NCKAP1: variants seen among roughly 807,000 people sequenced by gnomAD.
The protein encoded by NCKAP1 is nck-associated protein 1.
In NCKAP1, 21 loss-of-function variants were observed where a neutral mutation model predicts 151.2. The observed-to-expected ratio is 0.14, with a 90% confidence interval of 0.10 to 0.20. The LOEUF is 0.20. Ranked by LOEUF, NCKAP1 falls within the 10% of genes least tolerant of loss-of-function variation. The pLI is 1.00. For missense variants in NCKAP1, 933 were observed against 1,352.1 expected (o/e 0.69, Z 4.86); for synonymous variants, 484 against 451.8 (o/e 1.07, Z -0.90).
At chr2:183,021,112 C>T (rs1210176429) in intron 2 of NCKAP1, among the ~76,000 whole-genome samples, 4 of 152,306 alleles carry the variant, frequency 2.6e-5, no homozygotes, top group East Asian at 1.9e-4. Context: ...AGAATTACCA[C>T]GCCACCCAGC....
chr2:182,991,008 G>A (rs1003986159), intron 8 of NCKAP1, among the ~76,000 whole-genome samples: 4 of 152,142 alleles, frequency 2.6e-5, no homozygotes, highest in Non-Finnish European at 4.4e-5. Flanking sequence ...GAGCCCTCAA[G>A]AGAAATTTTG....
intron 8 of NCKAP1, among the ~76,000 whole-genome samples, chr2:182,991,163 T>C (rs930225562): frequency 2.0e-5 from 3 of 152,254 alleles, no homozygotes; most frequent in African/African-American, 7.2e-5. Context: ...TGAAAATTTT[T>C]ATCACTTACA....
chr2:182,957,341 G>T, intron 19 of NCKAP1, 116 bp downstream of exon 19: 2 of 1,105,288 alleles, frequency 1.8e-6, no homozygotes, highest in Non-Finnish European at 1.2e-6. Flanking sequence ...TTTTAAAATG[G>T]CTGGAAAATG....
At chr2:182,998,298 C>G (rs1427228303) in intron 6 of NCKAP1, among the ~76,000 whole-genome samples, 1 of 152,044 alleles carries the variant, frequency 6.6e-6, no homozygotes, top group African/African-American at 2.4e-5. Context: ...CATGTCTGTA[C>G]TCCTACCACT....
chr2:182,931,835 CCAAAGAAGATAT>C (rs2105801206), intron 26 of NCKAP1, among the ~76,000 whole-genome samples: 1 of 152,146 alleles, frequency 6.6e-6, no homozygotes, highest in Non-Finnish European at 1.5e-5. Flanking sequence ...GGTTATTTCT[CCAAAGAAGATAT>C]AGAAATAACC....
intron 15 of NCKAP1, among the ~76,000 whole-genome samples, chr2:182,968,196 C>T (rs964929783): frequency 6.6e-5 from 10 of 152,006 alleles, no homozygotes; most frequent in African/African-American, 2.2e-4. Flanking sequence ...AGAAAGATTA[C>T]TCTGTATAGT....
chr2:183,037,650 T>C (rs771379664), intron 1 of NCKAP1, among the ~76,000 whole-genome samples: 2 of 152,090 alleles, frequency 1.3e-5, no homozygotes, highest in Non-Finnish European at 2.9e-5. Flanking sequence ...CCACCCTCCC[T>C]TTCCTATGGG....
chr2:182,987,533 A>G lies in NCKAP1; in HGVS notation c.948-1306T>C, dbSNP rs529789908. On this transcript the variant is annotated intron_variant, in intron 9 of 30. Coordinates refer to ENST00000361354, the MANE Select transcript of NCKAP1 (RefSeq NM_013436.5). ...ATTTATTATTAATAAAGCATAACAAAGACAACTGGTTTCACTATGCCATTA... is the reference window on the plus strand; with the variant it reads ...ATTTATTATTAATAAAGCATAACAAGGACAACTGGTTTCACTATGCCATTA... Among the ~76,000 whole-genome samples the G allele has an allele frequency of 2.0e-5, 3 of 152,348 alleles. No homozygotes were observed. In the Middle Eastern group the frequency reaches 0.01, roughly 518 times the overall value.
At chr2:182,940,369 C>T (rs889672013) in intron 24 of NCKAP1, among the ~76,000 whole-genome samples, 16 of 152,116 alleles carry the variant, frequency 1.1e-4, no homozygotes, top group Non-Finnish European at 4.4e-5. Flanking sequence ...AATGCTACCA[C>T]GTCTATTTTT....
At chr2:182,980,062 C>G (rs1251511909) in intron 13 of NCKAP1, among the ~76,000 whole-genome samples, 1 of 151,948 alleles carries the variant, frequency 6.6e-6, no homozygotes, top group East Asian at 1.9e-4. Flanking sequence ...TTCAGGAATT[C>G]TGGTTTACTT....
chr2:182,962,310 G>A, intron 17 of NCKAP1, 32 bp from the exon 18 acceptor site: 1 of 1,549,114 alleles, frequency 6.5e-7, no homozygotes, highest in Non-Finnish European at 8.8e-7. Context: ...AATAATACAA[G>A]TTATAAAGAA....
intron 24 of NCKAP1, among the ~76,000 whole-genome samples, chr2:182,939,386 G>C (rs375237836): frequency 6.6e-6 from 1 of 151,964 alleles, no homozygotes; most frequent in African/African-American, 2.4e-5. Flanking sequence ...AAAATTAGCC[G>C]AGTGTGGTAG....
rs200328412 is a variant in NCKAP1, at chr2:182,956,581, C to T, written c.2034G>A (p.Leu678=). 4 of 1,601,472 alleles carry T rather than the reference C, an allele frequency of 2.5e-6. No homozygotes were observed. The highest frequency in any genetic ancestry group is 2.3e-5 in the East Asian group (1 of 44,420). Residue 678 remains leucine, a synonymous_variant, in exon 20 of 31, where the codon TTG becomes TTA. Transcript: ENST00000361354. ...NRLVVTNLDK[L]HTALSELCFS... ...AGCATAACTCAGAAAGTGCAGTGTG[C>T]AATTTATCAAGGCTGAAAAAAATTA...
At chr2:182,951,026 T>G in intron 23 of NCKAP1, among the ~76,000 whole-genome samples, 1 of 151,888 alleles carries the variant, frequency 6.6e-6, no homozygotes, top group East Asian at 2.0e-4. Context: ...AGAGGGGGGA[T>G]TTCACCATGT....
chr2:182,926,372 G>A (rs1696648148), intron 30 of NCKAP1, among the ~76,000 whole-genome samples: 1 of 152,004 alleles, frequency 6.6e-6, no homozygotes, highest in Non-Finnish European at 1.5e-5. Context: ...AACTCTAAGT[G>A]GGGAAAGAGC....
At chr2:182,927,092 C>T in intron 29 of NCKAP1, 187 bp from the exon 30 acceptor site, 2 of 475,748 alleles carry the variant, frequency 4.2e-6, no homozygotes, top group Non-Finnish European at 7.3e-6. Flanking sequence ...AATTAAGGCA[C>T]AAAGAGACAC....
intron 16 of NCKAP1, among the ~76,000 whole-genome samples, chr2:182,965,576 G>A (rs992097095): frequency 3.9e-5 from 6 of 152,058 alleles, no homozygotes; most frequent in Non-Finnish European, 4.4e-5. Flanking sequence ...ACATATCTTA[G>A]AGTAATAAGA....
At chr2:183,034,373 G>A (rs906089182) in intron 1 of NCKAP1, among the ~76,000 whole-genome samples, 1 of 117,178 alleles carries the variant, frequency 8.5e-6, no homozygotes, top group South Asian at 3.5e-4. Context: ...GTTTGTAATA[G>A]TTGTATGGGT....
chr2:182,994,706 G>C, intron 8 of NCKAP1, 133 bp downstream of exon 8: 1 of 690,712 alleles, frequency 1.4e-6, no homozygotes, highest in South Asian at 2.0e-5. Flanking sequence ...ATCAATATGA[G>C]GACTGAAAGA....
Sources: allele counts gnomAD v4.1 joint callset (sites outside exome capture counted in the v4.1 genomes callset), GRCh38; gene constraint gnomAD v4.1.1; transcripts MANE v1.5; gene names NCBI Gene and HGNC (gene_info 2026-07-23, HGNC 2026-07-21).